Variants in NAALADL2 observed in about 807,000 individuals in gnomAD.
NAALADL2 encodes N-acetylated alpha-linked acidic dipeptidase like 2.
Under a neutral mutation model 87.2 loss-of-function variants are expected in NAALADL2, and 76 were observed. The ratio of observed to expected loss-of-function variants is 0.87; its 90% CI spans 0.72 to 1.05. NAALADL2 has a LOEUF of 1.05. NAALADL2 is among the 50% of genes least tolerant of loss of function. The pLI is 0.00. For synonymous variants in NAALADL2, 354 were observed against 331.0 expected, an observed-to-expected ratio of 1.07 and a Z score of -0.75; for missense variants, 1,089 against 945.8, an observed-to-expected ratio of 1.15 and a Z score of -1.99.
intron 2 of NAALADL2, among the ~76,000 whole-genome samples, chr3:175,223,118 G>A (rs1202477611): frequency 6.6e-6 from 1 of 151,828 alleles, no homozygotes; most frequent in Non-Finnish European, 1.5e-5. Flanking sequence ...GTGTGTGTGT[G>A]TGTGTGTGTG....
At chr3:175,353,523 A>G (rs1764013938) in intron 5 of NAALADL2, among the ~76,000 whole-genome samples, 1 of 152,214 alleles carries the variant, frequency 6.6e-6, no homozygotes, top group Admixed American at 6.5e-5. Context: ...AAAGGTGAGA[A>G]GACTAAGACA....
intron 2 of NAALADL2, among the ~76,000 whole-genome samples, chr3:174,679,863 C>T (rs1218628205): frequency 3.3e-5 from 5 of 152,052 alleles, no homozygotes; most frequent in Non-Finnish European, 7.4e-5. Context: ...AAGATATAAT[C>T]TCTTAGTACC....
At chr3:175,346,727 T>C (rs958912294) in intron 5 of NAALADL2, among the ~76,000 whole-genome samples, 3 of 152,146 alleles carry the variant, frequency 2.0e-5, no homozygotes, top group African/African-American at 7.2e-5. Flanking sequence ...AACCCTCTCA[T>C]TTCACAGATA....
chr3:175,559,414 A>G (rs112415923), intron 9 of NAALADL2, among the ~76,000 whole-genome samples: 1,799 of 108,474 alleles, frequency 0.017, 39 homozygotes, highest in African/African-American at 0.047. Flanking sequence ...CTCTTTTCCA[A>G]TTTGGATGCC....
chr3:174,805,933 A>C (rs1304793452), intron 3 of NAALADL2, among the ~76,000 whole-genome samples: 4 of 152,100 alleles, frequency 2.6e-5, no homozygotes, highest in Admixed American at 2.6e-4. Context: ...TTATTCTATA[A>C]TTTTTAAAGA....
intron 2 of NAALADL2, among the ~76,000 whole-genome samples, chr3:175,196,833 GC>G (rs1181664301): frequency 6.6e-6 from 1 of 151,900 alleles, no homozygotes; most frequent in Admixed American, 6.6e-5. Context: ...AATCACAGCT[GC>G]AGCCCTCGAT....
chr3:175,410,549 G>A (rs921243276), intron 5 of NAALADL2, among the ~76,000 whole-genome samples: 12 of 152,030 alleles, frequency 7.9e-5, no homozygotes, highest in East Asian at 1.9e-4. Flanking sequence ...ACTGGGAAAC[G>A]TGAGCAAAAA....
chr3:174,549,722 G>A (rs890772184), intron 1 of NAALADL2, among the ~76,000 whole-genome samples: 1 of 152,038 alleles, frequency 6.6e-6, no homozygotes, highest in African/African-American at 2.4e-5. Flanking sequence ...TTTAAAAACC[G>A]AAATGTCATT....
Position 174,591,342 on chromosome 3 carries a change from GATAAA to G in NAALADL2, c.-115+40708_-115+40712del, listed in dbSNP as rs557818599. ...AAATAGAAAAGAACGGTGCATGTTA[GATAAA>G]ATCACAGTAGACTACAAAAATATTT... is the stretch of plus-strand genomic sequence containing the variant. On this transcript the variant is annotated intron_variant, in intron 2 of 3. Transcript: ENST00000434257. Among the ~76,000 whole-genome samples the G allele has an allele frequency of 1.1e-3, 163 of 152,314 alleles. 1 individual carries two copies. The highest frequency in any genetic ancestry group is 1.9e-3 in the Admixed American group (29 of 15,300).
intron 9 of NAALADL2, among the ~76,000 whole-genome samples, chr3:175,480,536 A>G (rs1726305645): frequency 6.6e-6 from 1 of 151,932 alleles, no homozygotes; most frequent in Non-Finnish European, 1.5e-5. Flanking sequence ...TCTATTCCAC[A>G]GCACCCTTTT....
rs760141072 is a variant in NAALADL2 at position 175,233,988 on chromosome 3, G to A, written c.603G>A (p.Lys201=). The A allele has an allele frequency of 8.7e-6, 14 of 1,608,454 alleles. No homozygotes were observed. The South Asian group carries it at 1.5e-4, about 18-fold the overall frequency. The stretch of plus-strand genomic sequence containing the variant: ...ACATGGAAATTTCAAAGAAGATTAA[G>A]ACTCAGTGGACCTCTTTGGGCCTAG... ...EDDMEISKKI[K]TQWTSLGLED... is the part of the protein sequence containing the mutation. Residue 201 remains lysine (K), a synonymous_variant, in exon 3 of 14, where the codon AAG becomes AAA. Coordinates refer to ENST00000454872, the MANE Select transcript of NAALADL2 (RefSeq NM_207015.3).
intron 2 of NAALADL2, among the ~76,000 whole-genome samples, chr3:174,683,655 TG>T: frequency 6.6e-6 from 1 of 151,572 alleles, no homozygotes; most frequent in Non-Finnish European, 1.5e-5. Flanking sequence ...TGTGTGTGTG[TG>T]TGTGTGTGTG....
At chr3:174,723,814 T>C (rs564642984) in intron 2 of NAALADL2, among the ~76,000 whole-genome samples, 38 of 138,664 alleles carry the variant, frequency 2.7e-4, no homozygotes, top group African/African-American at 9.7e-4. Context: ...TAAACTATAC[T>C]GGAGGTTTTT....
At chr3:175,286,432 G>A (rs6801137) in intron 4 of NAALADL2, among the ~76,000 whole-genome samples, 79,661 of 151,968 alleles carry the variant, frequency 0.52, 22,023 homozygotes, top group African/African-American at 0.7. Context: ...TAAGGCCTTG[G>A]CATTTACCCA....
intron 5 of NAALADL2, among the ~76,000 whole-genome samples, chr3:175,389,764 G>A (rs1016359298): frequency 1.3e-5 from 2 of 152,192 alleles, no homozygotes; most frequent in African/African-American, 4.8e-5. Flanking sequence ...CCTGGCTCCA[G>A]AAGTCAGGTC....
chr3:174,815,837 T>A (rs1295169554), intron 3 of NAALADL2, among the ~76,000 whole-genome samples: 22 of 131,106 alleles, frequency 1.7e-4, no homozygotes, highest in Non-Finnish European at 3.0e-4. Flanking sequence ...TTAGTTTTTT[T>A]TTTTTTTTTT....
At chr3:174,569,833 C>T (rs1041137801) in intron 2 of NAALADL2, among the ~76,000 whole-genome samples, 1 of 152,086 alleles carries the variant, frequency 6.6e-6, no homozygotes, top group African/African-American at 2.4e-5. Flanking sequence ...CCTACAGCTT[C>T]CCTTGCTTGT....
In NAALADL2 at chr3:175,805,500, A is replaced by G. The variant is rs778317612; in HGVS notation, c.*2297A>G. ...ACAAATTCTGTACATGCTGCTTTAC[A>G]TCTTTGCAACAAACCTCTTAACTAG... On this transcript the variant is annotated 3_prime_UTR_variant, in exon 14 of 14. Transcript: ENST00000454872. 6.6e-6 allele frequency: 1 copy of G among 151,854 alleles called. No homozygotes were observed. Among genetic ancestry groups the G allele is most frequent in the Non-Finnish European group, 1.5e-5 (1 of 67,868 alleles). 9.4% of individuals were successfully genotyped at this position (151,854 alleles called of 1,614,324 possible).
At chr3:175,081,968 A>C (rs1321678134) in intron 1 of NAALADL2, among the ~76,000 whole-genome samples, 3 of 152,122 alleles carry the variant, frequency 2.0e-5, no homozygotes, top group Non-Finnish European at 4.4e-5. Context: ...TAAGTGATTG[A>C]AATTTTTTCA....
Sources: gnomAD v4.1 joint callset for allele counts (sites outside exome capture counted in the v4.1 genomes callset) on GRCh38, gnomAD v4.1.1 for gene constraint, MANE v1.5 for transcripts, NCBI Gene and HGNC (gene_info 2026-07-23, HGNC 2026-07-21) for gene names.